IQCH: variants seen among roughly 807,000 people sequenced by gnomAD.
IQCH encodes IQ motif containing H.
IQCH carries 98 observed loss-of-function variants against 117.0 expected under a neutral mutation model. The observed-to-expected ratio is 0.84, with a 90% CI of 0.71 to 0.99. The LOEUF (loss-of-function observed/expected upper bound fraction) is 0.99, where lower values mean the gene tolerates loss of function less well. Ranked by LOEUF, IQCH falls within the 50% of genes least tolerant of loss-of-function variation. The pLI, the probability that IQCH is intolerant of heterozygous loss-of-function variation, is 0.00. For missense variants in IQCH, 1,102 were observed against 1,243.8 expected, an observed-to-expected ratio of 0.89 and a Z score of 1.72; for synonymous variants, 412 against 448.2, an observed-to-expected ratio of 0.92 and a Z score of 1.02.
rs745872138 is a variant in IQCH, at chr15:67,475,846, C to T, written c.2799+28C>T. ...ATGAAGGGTTACAGTTGGCCAGGGG[C>T]GGCCAAAGACATGCCTGTGGGTGAT... On this transcript the variant is annotated intron_variant, in intron 18 of 20. Coordinates refer to ENST00000335894, the MANE Select transcript of IQCH (RefSeq NM_001031715.3). This position sits in a 1 kb window ranked among gnomAD's most constrained non-coding sequence, Gnocchi z 5.7. 2.2e-5 allele frequency: 35 copies of T among 1,603,732 alleles called. No homozygotes were observed. Among genetic ancestry groups the T allele is most frequent in the South Asian group, 1.6e-4 (14 of 90,318 alleles).
At chr15:67,266,519 T>C (rs1467557286) in intron 3 of IQCH, among the ~76,000 whole-genome samples, 1 of 152,062 alleles carries the variant, frequency 6.6e-6, no homozygotes, top group Non-Finnish European at 1.5e-5. Flanking sequence ...TAGCCAGGCG[T>C]GGTGGCAGGC....
At chr15:67,449,961 CTAGG>C (rs1300278660) in intron 16 of IQCH, among the ~76,000 whole-genome samples, 1 of 152,018 alleles carries the variant, frequency 6.6e-6, no homozygotes, top group Non-Finnish European at 1.5e-5. Flanking sequence ...AGTTGGATTC[CTAGG>C]TATTTTATTC....
At chr15:67,357,875 A>G (rs1383442837) in intron 7 of IQCH, among the ~76,000 whole-genome samples, 1 of 151,864 alleles carries the variant, frequency 6.6e-6, no homozygotes, top group South Asian at 2.1e-4. Context: ...TATTATTTCA[A>G]GACAGAGTCT....
At chr15:67,303,193 T>A (rs1443703604) in intron 4 of IQCH, among the ~76,000 whole-genome samples, 1 of 152,164 alleles carries the variant, frequency 6.6e-6, no homozygotes, top group East Asian at 1.9e-4. Context: ...TTGCGAAGCC[T>A]ACATATTTTG....
At position 67,386,853 on chromosome 15, in the gene IQCH, C is replaced by T. The variant is rs1019778969; in HGVS notation, c.1456+1834C>T. 6.6e-6 allele frequency among the ~76,000 whole-genome samples: 1 copy of T among 152,060 alleles called. No homozygotes were observed. Among genetic ancestry groups the T allele is most frequent in the African/African-American group, 2.4e-5 (1 of 41,386 alleles). ...GTGTAAAATTAACACATGATAAAAC[C>T]CACTAATACTGAATCTTAGAGTTAG... On this transcript the variant is annotated intron_variant, in intron 11 of 20. Transcript: ENST00000335894. This position sits in a 1 kb window ranked among gnomAD's most constrained non-coding sequence, Gnocchi z 5.0.
At chr15:67,301,464 C>T (rs1967036766) in intron 4 of IQCH, among the ~76,000 whole-genome samples, 2 of 119,652 alleles carry the variant, frequency 1.7e-5, no homozygotes, top group South Asian at 5.7e-4. Flanking sequence ...GGCTAGAGTG[C>T]AGTGGCATGA....
chr15:67,309,510 T>G (rs931586650), intron 4 of IQCH, among the ~76,000 whole-genome samples: 2 of 152,104 alleles, frequency 1.3e-5, no homozygotes, highest in African/African-American at 4.8e-5. Context: ...CTGTCTAGTC[T>G]CTGCTCTGAA....
chr15:67,263,592 G>T (rs1281017265), intron 3 of IQCH, among the ~76,000 whole-genome samples: 2 of 152,104 alleles, frequency 1.3e-5, no homozygotes, highest in Admixed American at 1.3e-4. Context: ...TTATTTCAAT[G>T]TCCTGGGCTT....
intron 14 of IQCH, among the ~76,000 whole-genome samples, chr15:67,402,403 C>T (rs1055959615): frequency 3.3e-5 from 5 of 152,110 alleles, no homozygotes; most frequent in Admixed American, 1.3e-4. Flanking sequence ...AAATCATATT[C>T]GGAGTGGAGG....
At position 67,267,293 on chromosome 15, in the gene IQCH, T is replaced by G. The variant is rs552774219; in HGVS notation, c.269+4077T>G. On this transcript the variant is annotated intron_variant, in intron 3 of 20. Transcript: ENST00000335894. ...GGTACTCTATTTGAGAGACAACAGG[T>G]CTAGAGTGATGGTTCTCAAACTTTT... Among the ~76,000 whole-genome samples the G allele has an allele frequency of 2.8e-4, 43 of 152,300 alleles. No homozygotes were observed. The South Asian group carries it at 7.5e-3, about 26-fold the overall frequency.
rs1354576210 is a variant in IQCH at position 67,422,666 on chromosome 15, C to T, written c.2505+1089C>T. 6.6e-6 allele frequency among the ~76,000 whole-genome samples: 1 copy of T among 152,122 alleles called. No individual in the cohort carries two copies. The highest frequency in any genetic ancestry group is 1.5e-5 in the Non-Finnish European group (1 of 68,030). The stretch of plus-strand genomic sequence containing the variant: ...CTATCTATTATTATTTTACTGTATG[C>T]TTTTGTTTAATATTCCATTTGTGAG... On this transcript the variant is annotated intron_variant, in intron 16 of 20. Transcript: ENST00000335894. The surrounding 1 kb of genome is among the most constrained non-coding windows in gnomAD (Gnocchi z 4.7).
In IQCH at chr15:67,271,109, C is replaced by T. The variant is rs569212245; in HGVS notation, c.269+7893C>T. On this transcript the variant is annotated intron_variant, in intron 3 of 20. Coordinates refer to ENST00000335894, the MANE Select transcript of IQCH (RefSeq NM_001031715.3). ...TCAGCCTCCCAAGTAGCTGGGACTA[C>T]AGGCACACACCACCGTGCCCGGCTA... is the stretch of plus-strand genomic sequence containing the variant. Among the ~76,000 whole-genome samples the T allele has an allele frequency of 1.2e-4, 19 of 152,264 alleles. No individual in the cohort carries two copies. The East Asian group carries it at 2.7e-3, about 22-fold the overall frequency.
intron 17 of IQCH, among the ~76,000 whole-genome samples, chr15:67,471,854 T>C (rs1186633619): frequency 6.6e-6 from 1 of 152,210 alleles, no homozygotes; most frequent in East Asian, 1.9e-4. Flanking sequence ...TGCAGTTGGC[T>C]AGGTCTTCTA....
In IQCH at chr15:67,340,452, A is replaced by AAAC. The variant is rs1555456408; in HGVS notation, c.508+3359_508+3360insCAA. Among the ~76,000 whole-genome samples the AAAC allele has an allele frequency of 2.6e-3, 300 of 116,266 alleles. 18 individuals are homozygous for AAAC. The highest frequency in any genetic ancestry group is 0.016 in the East Asian group (31 of 1,882). The allele number at this position is 116,266 out of a possible 152,430, so 76.3% of individuals were successfully genotyped here. On this transcript the variant is annotated intron_variant, in intron 5 of 20. Transcript: ENST00000335894. ...AAAAAAAAAAAAAAAAAAAAAAAAA[A>AAAC]AAAAAAAAAAAACAGTAACTTGTCA...
At position 67,445,300 on chromosome 15, in the gene IQCH, T is replaced by C. The variant is rs185177271; in HGVS notation, c.2506-19827T>C. On this transcript the variant is annotated intron_variant, in intron 16 of 20. Transcript: ENST00000335894. The surrounding 1 kb of genome is among the most constrained non-coding windows in gnomAD (Gnocchi z 4.3). Reference sequence around the variant, plus strand: ...CCTTTAAACATATATTTTGCTTTCTTAAACATAAGATTCATTGTGTCCCCT... The same window carrying C: ...CCTTTAAACATATATTTTGCTTTCTCAAACATAAGATTCATTGTGTCCCCT... Among the ~76,000 whole-genome samples the C allele has an allele frequency of 7.4e-4, 112 of 152,344 alleles. No individual in the cohort carries two copies. Among genetic ancestry groups the C allele is most frequent in the African/African-American group, 2.6e-3 (109 of 41,580 alleles).
At chr15:67,258,282 C>T (rs898689306) in intron 1 of IQCH, among the ~76,000 whole-genome samples, 1 of 151,366 alleles carries the variant, frequency 6.6e-6, no homozygotes, top group Admixed American at 6.6e-5. Context: ...GTAATCCCAG[C>T]ACTTTAGGAG....
At chr15:67,363,696 C>G (rs1427786590) in intron 8 of IQCH, among the ~76,000 whole-genome samples, 1 of 152,088 alleles carries the variant, frequency 6.6e-6, no homozygotes, top group East Asian at 1.9e-4. Flanking sequence ...ATTTTTGGAT[C>G]CTCACCCTCT....
At chr15:67,304,263 C>A in intron 4 of IQCH, 1 of 641,690 alleles carries the variant, frequency 1.6e-6, no homozygotes, top group Non-Finnish European at 2.6e-6. Context: ...GAACTTTAAA[C>A]TCCTTTGAGG....
intron 16 of IQCH, among the ~76,000 whole-genome samples, chr15:67,435,208 C>T (rs1423671277): frequency 6.6e-6 from 1 of 151,800 alleles, no homozygotes; most frequent in African/African-American, 2.4e-5. Flanking sequence ...TGATATCTCA[C>T]TGTGGGTTTG....
Sources: allele counts gnomAD v4.1 joint callset (sites outside exome capture counted in the v4.1 genomes callset), GRCh38; gene constraint gnomAD v4.1.1; non-coding constraint Gnocchi (gnomAD v3.1); transcripts MANE v1.5; gene names NCBI Gene and HGNC (gene_info 2026-07-23, HGNC 2026-07-21).